Variants in HYDIN observed in about 807,000 individuals in gnomAD.
HYDIN encodes axonemal central pair apparatus protein HYDIN.
Under a neutral mutation model 403.9 loss-of-function variants are expected in HYDIN, and 132 were observed. That is an observed-to-expected ratio of 0.33 (90% CI 0.28 to 0.38). The LOEUF (loss-of-function observed/expected upper bound fraction) is 0.38, where lower values mean the gene tolerates loss of function less well. Ranked by LOEUF, HYDIN falls within the 10% of genes least tolerant of loss-of-function variation. The pLI, the probability that HYDIN is intolerant of heterozygous loss-of-function variation, is 1.00. For missense variants in HYDIN, 2,827 were observed against 5,009.5 expected (o/e 0.56, Z 13.15); for synonymous variants, 1,202 against 1,891.7 (o/e 0.64, Z 9.46).
chr16:70,886,663 C>T (rs2041157230), intron 58 of HYDIN, among the ~76,000 whole-genome samples: 1 of 152,042 alleles, frequency 6.6e-6, no homozygotes, highest in African/African-American at 2.4e-5. Flanking sequence ...TCCATTTATC[C>T]CTGAGAAATA....
intron 30 of HYDIN, among the ~76,000 whole-genome samples, chr16:70,978,181 C>T (rs2078943021): frequency 6.6e-6 from 1 of 152,010 alleles, no homozygotes; most frequent in South Asian, 2.1e-4. Context: ...GTCTCAGTCC[C>T]CCTCCTTACC....
intron 75 of HYDIN, among the ~76,000 whole-genome samples, chr16:70,845,928 T>C (rs12050967): frequency 2.0e-5 from 3 of 149,424 alleles, no homozygotes; most frequent in East Asian, 3.9e-4. Context: ...TGATTCTTCT[T>C]TCTTTTTTTC....
Position 70,837,738 on chromosome 16 carries a change from C to A in HYDIN, c.13194G>T (p.Gly4398=), listed in dbSNP as rs773865875. The change falls in exon 77 of 86, where the codon GGG becomes GGT. Residue 4398 remains glycine (G), a synonymous_variant. Transcript: ENST00000393567. ...TGATTTCGACTGTTTGTTGTGAGAGCCCATTGATTTCAAAGGGAATGAGTT... is the reference window on the plus strand; with the variant it reads ...TGATTTCGACTGTTTGTTGTGAGAGACCATTGATTTCAAAGGGAATGAGTT... ...YQELIPFEIN[G]LSQQTVEIKG... is the part of the protein sequence containing the mutation. The A allele has an allele frequency of 1.9e-6, 3 of 1,613,744 alleles. No individual in the cohort carries two copies. The highest frequency in any genetic ancestry group is 2.7e-5 in the African/African-American group (2 of 74,866).
chr16:70,859,521 C>A (rs547689498), intron 71 of HYDIN, among the ~76,000 whole-genome samples: 1 of 152,050 alleles, frequency 6.6e-6, no homozygotes. Context: ...TTTTGTTTCA[C>A]GGATTTATTT....
At chr16:70,951,173 C>T (rs923136980) in intron 41 of HYDIN, among the ~76,000 whole-genome samples, 9 of 151,580 alleles carry the variant, frequency 5.9e-5, no homozygotes, top group South Asian at 2.1e-4. Context: ...AGCTCAAGGC[C>T]GCAGTGAACA....
chr16:71,202,891 G>A (rs1454911385), intron 1 of HYDIN, among the ~76,000 whole-genome samples: 1 of 152,120 alleles, frequency 6.6e-6, no homozygotes, highest in Non-Finnish European at 1.5e-5. Context: ...TCTCCAGAGA[G>A]GTAGGCAGAC....
chr16:70,887,695 T>TTTTC (rs1180699972), intron 58 of HYDIN, among the ~76,000 whole-genome samples: 201 of 149,894 alleles, frequency 1.3e-3, no homozygotes, highest in African/African-American at 4.7e-3. Flanking sequence ...CTTTTCTTTT[T>TTTTC]TTTTTTGAGG....
chr16:70,959,067 T>G (rs577152217), intron 39 of HYDIN, among the ~76,000 whole-genome samples: 2 of 152,032 alleles, frequency 1.3e-5, no homozygotes, highest in East Asian at 3.9e-4. Flanking sequence ...TTTTTCCCAA[T>G]GTAGGTGATT....
chr16:71,129,844 G>A (rs2084633364), intron 8 of HYDIN, 21 bp from the exon 9 acceptor site: 2 of 1,578,552 alleles, frequency 1.3e-6, no homozygotes, highest in Non-Finnish European at 8.6e-7. Flanking sequence ...CAGGCAATGT[G>A]AGATTCATGT....
At chr16:71,215,395 T>C (rs2088826389) in intron 1 of HYDIN, among the ~76,000 whole-genome samples, 1 of 152,160 alleles carries the variant, frequency 6.6e-6, no homozygotes, top group Non-Finnish European at 1.5e-5. Flanking sequence ...TTCTAGCTGA[T>C]GAATGAATGT....
chr16:71,082,053 G>A (rs2082800396), intron 12 of HYDIN, among the ~76,000 whole-genome samples: 1 of 149,770 alleles, frequency 6.7e-6, no homozygotes, highest in African/African-American at 2.5e-5. Context: ...AGGCACATTA[G>A]CTAAAATACT....
intron 1 of HYDIN, among the ~76,000 whole-genome samples, chr16:71,228,483 A>G (rs548293544): frequency 9.2e-5 from 14 of 152,368 alleles, no homozygotes; most frequent in African/African-American, 3.4e-4. Context: ...CAAACCCATC[A>G]AAAAGTGGGC....
At position 70,839,447 on chromosome 16, in the gene HYDIN, C is replaced by A. The variant is rs1319746532; in HGVS notation, c.13043+617G>T. 2.7e-5 allele frequency among the ~76,000 whole-genome samples: 4 copies of A among 147,942 alleles called. No homozygotes were observed. In the South Asian group the frequency reaches 6.4e-4, roughly 24 times the overall value. On this transcript the variant is annotated intron_variant, in intron 76 of 85. Transcript: ENST00000393567. ...AAAATCAGTTCTTTAGTTTCGCTAG[C>A]CACATTTTAAGTGCTCTGAAGCCAC...
chr16:70,959,689 G>A lies in HYDIN; in HGVS notation c.6100C>T (p.Arg2034Trp), dbSNP rs201606263. 5.9e-5 allele frequency: 79 copies of A among 1,336,484 alleles called. 18 individuals carry two copies. Among genetic ancestry groups the A allele is most frequent in the African/African-American group, 8.6e-5 (3 of 34,710 alleles). The allele number at this position is 1,336,484 out of a possible 1,614,324, so 82.8% of individuals were successfully genotyped here. A position where few individuals can be genotyped will look rare whatever the true frequency, so the allele number is the denominator to read the frequency against. Residue 2034 changes from arginine to tryptophan, a missense_variant, in exon 39 of 86, where the codon CGG becomes TGG. By Grantham distance (101) the Arg-to-Trp change is moderately radical. Coordinates refer to ENST00000393567, the MANE Select transcript of HYDIN (RefSeq NM_001270974.2). ...TGAATGATAATGGCGATGCCTTTCC[G>A]GTTCTTGGCCAGGCGGCCTTCTGCA... Reference protein sequence around the residue: ...ISAEGRLAKNRKGIAIIIHGT... With the variant: ...ISAEGRLAKNWKGIAIIIHGT...
At chr16:71,003,158 T>C (rs1327838950) in intron 23 of HYDIN, among the ~76,000 whole-genome samples, 2 of 152,084 alleles carry the variant, frequency 1.3e-5, no homozygotes, top group African/African-American at 2.4e-5. Flanking sequence ...TGTGCACAAA[T>C]ACCACACATT....
intron 3 of HYDIN, among the ~76,000 whole-genome samples, chr16:71,180,640 T>A (rs1444034269): frequency 3.3e-5 from 5 of 150,260 alleles, no homozygotes; most frequent in Admixed American, 3.3e-4. Context: ...AGAAAAAAAA[T>A]TTGCAAACTG....
At chr16:71,210,012 T>C (rs1011726489) in intron 1 of HYDIN, among the ~76,000 whole-genome samples, 4 of 152,314 alleles carry the variant, frequency 2.6e-5, no homozygotes, top group Non-Finnish European at 5.9e-5. Context: ...CGGTAATTAA[T>C]ACATTCTTCA....
In HYDIN at chr16:70,874,859, C is replaced by T. The variant is rs774036864; in HGVS notation, c.10618G>A (p.Ala3540Thr). ...TTTTCCTCTGTGATGTAGATATACG[C>T]GGTGGTGGGCCTCCCTTTCAGGGAG... ...VFSLKGRPTT[A>T]YIYITEENKP... is the part of the protein sequence containing the mutation. The change falls in exon 63 of 86, where the codon GCG (alanine) becomes ACG (threonine). Residue 3540 changes from alanine (A) to threonine (T), a missense_variant. Coordinates refer to ENST00000393567, the MANE Select transcript of HYDIN (RefSeq NM_001270974.2). 86 of 1,613,108 alleles carry T rather than the reference C, an allele frequency of 5.3e-5. No individual in the cohort carries two copies. Among genetic ancestry groups the T allele is most frequent in the South Asian group, 8.8e-5 (8 of 90,932 alleles).
intron 23 of HYDIN, among the ~76,000 whole-genome samples, chr16:71,002,046 T>A (rs910185923): frequency 6.6e-6 from 1 of 152,232 alleles, no homozygotes; most frequent in African/African-American, 2.4e-5. Flanking sequence ...TGGGTTTTAG[T>A]TGAATTCTGT....
Sources: allele counts gnomAD v4.1 joint callset (sites outside exome capture counted in the v4.1 genomes callset), GRCh38; gene constraint gnomAD v4.1.1; transcripts MANE v1.5; gene names NCBI Gene and HGNC (gene_info 2026-07-23, HGNC 2026-07-21).